NELL2: variants seen among roughly 807,000 people sequenced by gnomAD.
NELL2 encodes the protein protein kinase C-binding protein NELL2.
Under a neutral mutation model 109.6 loss-of-function variants are expected in NELL2, and 41 were observed. That is an observed-to-expected ratio of 0.37 (90% confidence interval 0.29 to 0.49). NELL2 has a LOEUF of 0.49. NELL2 is among the 20% of genes least tolerant of loss of function. The pLI, the probability that NELL2 is intolerant of heterozygous loss-of-function variation, is 0.98. For synonymous variants in NELL2, 355 were observed against 344.7 expected, an observed-to-expected ratio of 1.03 and a Z score of -0.33; for missense variants, 900 against 1,008.3, an observed-to-expected ratio of 0.89 and a Z score of 1.45.
intron 13 of NELL2, among the ~76,000 whole-genome samples, chr12:44,645,486 G>A (rs1437326756): frequency 6.6e-6 from 1 of 152,174 alleles, no homozygotes; most frequent in Non-Finnish European, 1.5e-5. Flanking sequence ...GAATGAGAGA[G>A]GAATCAAGGG....
intron 2 of NELL2, among the ~76,000 whole-genome samples, chr12:44,821,058 C>CACAG (rs956247621): frequency 6.6e-6 from 1 of 151,204 alleles, no homozygotes; most frequent in African/African-American, 2.4e-5. Flanking sequence ...CACACACACA[C>CACAG]ACACACACAC....
At chr12:44,784,560 T>C (rs1566387541) in intron 3 of NELL2, among the ~76,000 whole-genome samples, 1 of 152,084 alleles carries the variant, frequency 6.6e-6, no homozygotes, top group Non-Finnish European at 1.5e-5. Flanking sequence ...TGCCAAAACC[T>C]GGCAGAGACA....
chr12:44,863,178 A>C (rs1944892731), intron 2 of NELL2, among the ~76,000 whole-genome samples: 1 of 151,318 alleles, frequency 6.6e-6, no homozygotes, highest in African/African-American at 2.4e-5. Context: ...CCCAATTATG[A>C]GTGAGAACAT....
At chr12:44,867,739 C>G (rs985655458) in intron 2 of NELL2, among the ~76,000 whole-genome samples, 5 of 151,996 alleles carry the variant, frequency 3.3e-5, no homozygotes, top group Non-Finnish European at 5.9e-5. Flanking sequence ...GAAGATGCCA[C>G]CAAAAAATTG....
chr12:44,680,840 T>C (rs1948471530), intron 12 of NELL2, among the ~76,000 whole-genome samples: 1 of 152,196 alleles, frequency 6.6e-6, no homozygotes, highest in Admixed American at 6.5e-5. Flanking sequence ...TAAAAACTTA[T>C]TCTTATTTCT....
At chr12:44,584,568 A>C (rs1944429859) in intron 15 of NELL2, among the ~76,000 whole-genome samples, 1 of 152,222 alleles carries the variant, frequency 6.6e-6, no homozygotes, top group Admixed American at 6.5e-5. Flanking sequence ...AGGTTAGGGA[A>C]AAGAGATTAT....
intron 17 of NELL2, 194 bp downstream of exon 17, chr12:44,523,097 G>T: frequency 1.6e-6 from 1 of 616,848 alleles, no homozygotes; most frequent in Non-Finnish European, 2.8e-6. Context: ...TTTTTGCCTG[G>T]ATCTAAGGTT....
intron 2 of NELL2, among the ~76,000 whole-genome samples, chr12:44,817,749 C>G (rs1247080896): frequency 6.6e-6 from 1 of 152,270 alleles, no homozygotes; most frequent in Non-Finnish European, 1.5e-5. Flanking sequence ...TTTCCATCAC[C>G]ATTATCAATT....
chr12:44,908,457 T>A (rs947444949), intron 1 of NELL2, among the ~76,000 whole-genome samples: 2 of 151,968 alleles, frequency 1.3e-5, no homozygotes, highest in African/African-American at 4.8e-5. Flanking sequence ...TTCATGGAAT[T>A]GAGATTTTGA....
At chr12:44,818,280 T>C (rs746651277) in intron 2 of NELL2, among the ~76,000 whole-genome samples, 1 of 152,238 alleles carries the variant, frequency 6.6e-6, no homozygotes, top group Non-Finnish European at 1.5e-5. Context: ...AAGTGAATCA[T>C]TCACAAACTA....
intron 15 of NELL2, among the ~76,000 whole-genome samples, chr12:44,557,435 C>G (rs1307087947): frequency 6.6e-6 from 1 of 151,878 alleles, no homozygotes; most frequent in African/African-American, 2.4e-5. Context: ...AGAAAGAGAG[C>G]TATATTAGAG....
At chr12:44,549,191 C>T (rs886332961) in intron 15 of NELL2, among the ~76,000 whole-genome samples, 10 of 152,130 alleles carry the variant, frequency 6.6e-5, no homozygotes, top group African/African-American at 2.2e-4. Context: ...AGTTATAGTA[C>T]ACTAACTGTG....
chr12:44,726,291 A>C (rs111656584), intron 9 of NELL2, among the ~76,000 whole-genome samples: 3,169 of 152,272 alleles, frequency 0.021, 105 homozygotes, highest in African/African-American at 0.072. Context: ...TATTTCTTTA[A>C]GTTTTGTTAT....
chr12:44,871,662 A>AT (rs1945165890), intron 2 of NELL2, among the ~76,000 whole-genome samples: 1 of 152,160 alleles, frequency 6.6e-6, no homozygotes, highest in Non-Finnish European at 1.5e-5. Flanking sequence ...CTGAAGACAA[A>AT]TTAGTGCCAC....
chr12:44,681,590 C>T (rs547775851), intron 12 of NELL2, among the ~76,000 whole-genome samples: 64 of 152,126 alleles, frequency 4.2e-4, no homozygotes, highest in African/African-American at 1.4e-3. Context: ...ACAACAGTCC[C>T]CAGACTGTGA....
At chr12:44,738,459 A>G (rs1211309523) in intron 9 of NELL2, among the ~76,000 whole-genome samples, 1 of 151,516 alleles carries the variant, frequency 6.6e-6, no homozygotes, top group Admixed American at 6.6e-5. Context: ...CATACACACA[A>G]TGGAATATTA....
At chr12:44,751,979 A>T (rs564986639) in intron 9 of NELL2, among the ~76,000 whole-genome samples, 1 of 152,222 alleles carries the variant, frequency 6.6e-6, no homozygotes, top group South Asian at 2.1e-4. Context: ...GTCACAAAAA[A>T]GTGTCATAAT....
chr12:44,811,162 A>G (rs944368166), intron 3 of NELL2, among the ~76,000 whole-genome samples: 2 of 151,746 alleles, frequency 1.3e-5, no homozygotes, highest in African/African-American at 4.8e-5. Context: ...AACATCACAC[A>G]CTGGGCCTCG....
intron 19 of NELL2, among the ~76,000 whole-genome samples, chr12:44,511,761 A>G (rs1488341395): frequency 6.6e-6 from 1 of 152,190 alleles, no homozygotes; most frequent in Non-Finnish European, 1.5e-5. Flanking sequence ...TAAGATATAA[A>G]GGATTGATAA....
Sources: allele counts gnomAD v4.1 joint callset (sites outside exome capture counted in the v4.1 genomes callset), GRCh38; gene constraint gnomAD v4.1.1; transcripts MANE v1.5; gene names NCBI Gene and HGNC (gene_info 2026-07-23, HGNC 2026-07-21).